EOLA2: variants seen among roughly 807,000 people sequenced by gnomAD.
The protein encoded by EOLA2 is protein EOLA2.
In EOLA2, 3 loss-of-function variants were observed where a neutral mutation model predicts 4.1. The observed-to-expected ratio is 0.73, with a 90% CI of 0.33 to 1.89. The LOEUF (loss-of-function observed/expected upper bound fraction) is 1.89, where lower values mean the gene tolerates loss of function less well. EOLA2 is among the 40% of genes most tolerant of loss of function. The pLI, the probability that EOLA2 is intolerant of heterozygous loss-of-function variation, is 0.08. For synonymous variants in EOLA2, 52 were observed against 51.7 expected, an observed-to-expected ratio of 1.01 and a Z score of -0.03; for missense variants, 109 against 126.4, an observed-to-expected ratio of 0.86 and a Z score of 0.66.
chrX:149,934,061 G>A lies in EOLA2; in HGVS notation c.-86C>T. 9.2e-7 allele frequency: 1 copy of A among 1,086,295 alleles called. No homozygotes were observed. 89.5% of individuals were successfully genotyped at this position (1,086,295 alleles called of 1,213,427 possible). ...ATGTCGAGCACCACAGCAGGCCCAAGGGAAGGGGCTAGGATTCGGCTGACT... is the reference window on the plus strand; with the variant it reads ...ATGTCGAGCACCACAGCAGGCCCAAAGGAAGGGGCTAGGATTCGGCTGACT... On this transcript the variant is annotated 5_prime_UTR_variant, in exon 3 of 5. Coordinates refer to ENST00000370406, the MANE Select transcript of EOLA2 (RefSeq NM_001013845.2).
intron 4 of EOLA2, among the ~76,000 whole-genome samples, chrX:149,933,263 C>T (rs1208907388): frequency 3.1e-5 from 3 of 95,960 alleles, no homozygotes; most frequent in East Asian, 3.5e-4. Context: ...ACCCATTCGG[C>T]GGGCTGGGCT....
chrX:149,937,830 T>A (rs2091038603), intron 1 of EOLA2, among the ~76,000 whole-genome samples: 1 of 112,847 alleles, frequency 8.9e-6, no homozygotes, highest in Non-Finnish European at 1.9e-5. Flanking sequence ...CTAAATCCCA[T>A]TGTCCACTGC....
chrX:149,934,514 C>G lies in EOLA2; in HGVS notation c.-162-377G>C, dbSNP rs1263407617. ...CCACCCCTCTGGGTGCCACCTTCCTCAAGCCCCTTCCCCCACCACTGCTCT... is the reference window on the plus strand; with the variant it reads ...CCACCCCTCTGGGTGCCACCTTCCTGAAGCCCCTTCCCCCACCACTGCTCT... On this transcript the variant is annotated intron_variant, in intron 2 of 4. Transcript: ENST00000370406. The G allele has an allele frequency of 5.3e-6, 4 of 753,065 alleles. No individual in the cohort carries two copies. The African/African-American group carries it at 9.3e-5, about 17-fold the overall frequency. The allele number at this position is 753,065 out of a possible 1,213,427, so 62.1% of individuals were successfully genotyped here. A position where few individuals can be genotyped will look rare whatever the true frequency, so the allele number is the denominator to read the frequency against.
Position 149,934,093 on chromosome X carries a change from C to A in EOLA2, c.-118G>T. 1 of 1,074,153 alleles carries A rather than the reference C, an allele frequency of 9.3e-7. No homozygotes were observed. The highest frequency in any genetic ancestry group is 1.2e-6 in the Non-Finnish European group (1 of 833,748). 88.5% of individuals were successfully genotyped at this position (1,074,153 alleles called of 1,213,427 possible). On this transcript the variant is annotated 5_prime_UTR_variant, in exon 3 of 5. An upstream start codon of the reference 5' UTR is lost. Transcript: ENST00000370406. The stretch of plus-strand genomic sequence containing the variant: ...GGCTAGGATTCGGCTGACTCAGGTC[C>A]ATCCCATGGAGTCTTTGGGGCGGTC...
chrX:149,930,100 C>G (rs2090856558), downstream of EOLA2: 1 of 1,155,307 alleles, frequency 8.7e-7, no homozygotes, highest in Non-Finnish European at 1.1e-6. Flanking sequence ...CACGCCCAAG[C>G]AACTCTCCAG....
At chrX:149,935,520 A>C (rs868913011) in intron 2 of EOLA2, among the ~76,000 whole-genome samples, 7 of 1,744 alleles carry the variant, frequency 4.0e-3, no homozygotes, top group African/African-American at 8.0e-3. Flanking sequence ...TTTATTCCCC[A>C]CCCCCCCCAC....
At chrX:149,931,061 T>G (rs1188520861), downstream of EOLA2, 2 of 936,425 alleles carry the variant, frequency 2.1e-6, no homozygotes, top group African/African-American at 4.1e-5. Context: ...GGCCTCCCTC[T>G]CAGTCATGTC....
At chrX:149,935,876 C>T (rs2090984017) in intron 2 of EOLA2, among the ~76,000 whole-genome samples, 1 of 108,793 alleles carries the variant, frequency 9.2e-6, no homozygotes, top group Non-Finnish European at 1.9e-5. Context: ...CATCTGCGGC[C>T]CACATCCCGT....
chrX:149,930,078 G>C, downstream of EOLA2: 2 of 1,159,484 alleles, frequency 1.7e-6, no homozygotes, highest in Non-Finnish European at 2.3e-6. Context: ...AACCTCTATG[G>C]ATTCTGCAAA....
intron 2 of EOLA2, 37 bp downstream of exon 2, chrX:149,937,396 G>T (rs1426892145): frequency 6.8e-6 from 4 of 585,621 alleles, no homozygotes; most frequent in South Asian, 8.9e-5. Context: ...GCAAGAAGGG[G>T]GTTGAGTCCC....
chrX:149,932,050 A>G (rs1557374358), downstream of EOLA2: 1 of 632,314 alleles, frequency 1.6e-6, no homozygotes, highest in African/African-American at 2.5e-5. Context: ...GAGTCGGTTG[A>G]TTAACGGCTA....
downstream of EOLA2, chrX:149,931,136 T>G: frequency 1.1e-6 from 1 of 936,882 alleles, no homozygotes; most frequent in Non-Finnish European, 1.3e-6. Context: ...GTGTAGACTC[T>G]GTGAACAGTT....
Position 149,933,885 on chromosome X carries a change from G to A in EOLA2, c.-11C>T, listed in dbSNP as rs782565719. 9 of 1,198,199 alleles carry A rather than the reference G, an allele frequency of 7.5e-6. No individual in the cohort carries two copies. Among genetic ancestry groups the A allele is most frequent in the Admixed American group, 4.4e-5 (2 of 45,628 alleles). On this transcript the variant is annotated 5_prime_UTR_variant, in exon 4 of 5. Transcript: ENST00000370406. ...GCAGCCAAACTTCATCTTCGCAAGCGCCCCGGGCCTCCCGTAGCCTGCGGA... is the reference window on the plus strand; with the variant it reads ...GCAGCCAAACTTCATCTTCGCAAGCACCCCGGGCCTCCCGTAGCCTGCGGA...
chrX:149,935,102 TA>T (rs2090959815), intron 2 of EOLA2, among the ~76,000 whole-genome samples: 1 of 107,604 alleles, frequency 9.3e-6, no homozygotes, highest in Non-Finnish European at 1.9e-5. Flanking sequence ...TTTCAACACA[TA>T]AACGCAACCT....
At chrX:149,937,895 C>T (rs781818691) in intron 1 of EOLA2, among the ~76,000 whole-genome samples, 18 of 112,876 alleles carry the variant, frequency 1.6e-4, no homozygotes, top group Non-Finnish European at 2.8e-4. Context: ...GAGCTATGCA[C>T]CGCCCGGCCT....
At chrX:149,930,283 C>T (rs782018057), downstream of EOLA2, among the ~76,000 whole-genome samples, 595 of 112,149 alleles carry the variant, frequency 5.3e-3, 12 homozygotes, top group African/African-American at 0.018. Flanking sequence ...AAGTATAGAA[C>T]TTAAAAAGTA....
At position 149,932,393 on chromosome X, in the gene EOLA2, T is replaced by C; in HGVS notation, c.*151A>G. 9.2e-7 allele frequency: 1 copy of C among 1,089,671 alleles called. No homozygotes were observed. The highest frequency in any genetic ancestry group is 1.2e-6 in the Non-Finnish European group (1 of 834,764). The allele number at this position is 1,089,671 out of a possible 1,213,427, so 89.8% of individuals were successfully genotyped here. On this transcript the variant is annotated 3_prime_UTR_variant, in exon 5 of 5. Coordinates refer to ENST00000370406, the MANE Select transcript of EOLA2 (RefSeq NM_001013845.2). The stretch of plus-strand genomic sequence containing the variant: ...CTTCATCTGAGCAAAGGAACCTGTT[T>C]ACATGCACAGTGCTTAGTGGGTGGG...
At chrX:149,937,544 G>T (rs1193597415) in intron 1 of EOLA2, 64 bp from the exon 2 acceptor site, 3 of 290,852 alleles carry the variant, frequency 1.0e-5, no homozygotes, top group African/African-American at 5.8e-5. Flanking sequence ...CTGGTTAATG[G>T]CCCTAGGAAG....
rs2124141969 is a variant in EOLA2 at position 149,932,561 on chromosome X, A to T, written c.460T>A (p.Leu154Met). Residue 154 changes from leucine (L) to methionine (M), a missense_variant, in exon 5 of 5, where the codon TTG becomes ATG. Physicochemically the swap from Leu to Met is conservative, Grantham distance 15. Transcript: ENST00000370406. ...QVDIPEHLIP[L>M]GHEV is the part of the protein sequence containing the mutation. ...CACACTTGTCACACTTCATGCCCCA[A>T]AGGGATCAGGTGCTCTGGGATGTCT... 1 of 1,202,746 alleles carries T rather than the reference A, an allele frequency of 8.3e-7. No homozygotes were observed. Among genetic ancestry groups the T allele is most frequent in the African/African-American group, 1.8e-5 (1 of 55,579 alleles).
Sources: allele counts gnomAD v4.1 joint callset (sites outside exome capture counted in the v4.1 genomes callset), GRCh38; gene constraint gnomAD v4.1.1; transcripts MANE v1.5; gene names NCBI Gene and HGNC (gene_info 2026-07-23, HGNC 2026-07-21).